Variants in PACSIN1 observed in about 807,000 individuals in gnomAD.
PACSIN1 encodes the protein protein kinase C and casein kinase substrate in neurons protein 1.
PACSIN1 carries 15 observed loss-of-function variants against 59.5 expected under a neutral mutation model. That is an observed-to-expected ratio of 0.25 (90% CI 0.17 to 0.39). The LOEUF (loss-of-function observed/expected upper bound fraction) is 0.39, where lower values mean the gene tolerates loss of function less well. Among genes scored for constraint, PACSIN1 ranks in the 10% least tolerant of loss-of-function variants. PACSIN1 has a pLI of 1.00. For synonymous variants in PACSIN1, 210 were observed against 220.6 expected, an observed-to-expected ratio of 0.95 and a Z score of 0.42; for missense variants, 420 against 580.2, an observed-to-expected ratio of 0.72 and a Z score of 2.84.
rs9394231 is a variant in PACSIN1 at position 34,504,290 on chromosome 6, A to T, written c.-63-21953A>T. On this transcript the variant is annotated intron_variant, in intron 1 of 9. Transcript: ENST00000244458. ...TGTGTGTATATATATATATATATAT[A>T]TTTTTTTTTTTTTTTTTTTAAACGG... 8.6e-3 allele frequency among the ~76,000 whole-genome samples: 811 copies of T among 94,020 alleles called. 14 individuals are homozygous for T. The highest frequency in any genetic ancestry group is 0.034 in the African/African-American group (765 of 22,444). The allele number at this position is 94,020 out of a possible 152,430, so 61.7% of individuals were successfully genotyped here. A position where few individuals can be genotyped will look rare whatever the true frequency, so the allele number is the denominator to read the frequency against.
At chr6:34,470,657 A>G (rs1426880550) in intron 1 of PACSIN1, among the ~76,000 whole-genome samples, 1 of 151,860 alleles carries the variant, frequency 6.6e-6, no homozygotes, top group Non-Finnish European at 1.5e-5. Context: ...GAGTGCTACC[A>G]TGCCTGGCTA....
At chr6:34,492,621 A>G (rs926616854) in intron 1 of PACSIN1, among the ~76,000 whole-genome samples, 1 of 152,180 alleles carries the variant, frequency 6.6e-6, no homozygotes, top group Non-Finnish European at 1.5e-5. Flanking sequence ...ACCTCAAGTG[A>G]TCCACCCACC....
Position 34,531,545 on chromosome 6 carries a change from C to T in PACSIN1, c.1038-55C>T. ...GCTCTGATTAGGAGGAGCGGTTAGC[C>T]CTCGGGATGCGGTACGGGGAGACAT... On this transcript the variant is annotated intron_variant, in intron 8 of 9. Transcript: ENST00000244458. The surrounding 1 kb of genome is among the most constrained non-coding windows in gnomAD (Gnocchi z 4.4). 1 of 1,567,902 alleles carries T rather than the reference C, an allele frequency of 6.4e-7. No homozygotes were observed.
At position 34,530,909 on chromosome 6, in the gene PACSIN1, G is replaced by A. The variant is rs150160148; in HGVS notation, c.1037+322G>A. ...CGCATGCGCAGTTCACAATAGGGGG[G>A]TTGCGCTCCTATGAGAATCTAACGC... On this transcript the variant is annotated intron_variant, in intron 8 of 9. Coordinates refer to ENST00000244458, the MANE Select transcript of PACSIN1 (RefSeq NM_020804.5). The surrounding 1 kb of genome is among the most constrained non-coding windows in gnomAD (Gnocchi z 4.4). Among the ~76,000 whole-genome samples the A allele has an allele frequency of 5.9e-4, 90 of 152,290 alleles. 2 individuals are homozygous for A. The East Asian group carries it at 0.013, about 22-fold the overall frequency.
Position 34,529,022 on chromosome 6 carries a change from GA to G in PACSIN1, c.456+151del. 1.5e-6 allele frequency: 1 copy of G among 675,088 alleles called. No individual in the cohort carries two copies. The highest frequency in any genetic ancestry group is 1.9e-5 in the South Asian group (1 of 53,200). The allele number at this position is 675,088 out of a possible 1,614,324, so 41.8% of individuals were successfully genotyped here. Reference sequence around the variant, plus strand: ...ACAGGGGAGCAGCACTGCCTTCCAGGAAAAAATATTCACAGATGGGTAGGCA... The same window carrying G: ...ACAGGGGAGCAGCACTGCCTTCCAGGAAAAATATTCACAGATGGGTAGGCA... On this transcript the variant is annotated intron_variant, in intron 4 of 9. Transcript: ENST00000244458. The surrounding 1 kb of genome is among the most constrained non-coding windows in gnomAD (Gnocchi z 6.3).
chr6:34,469,439 C>A (rs1369559929), intron 1 of PACSIN1, among the ~76,000 whole-genome samples: 1 of 151,774 alleles, frequency 6.6e-6, no homozygotes, highest in African/African-American at 2.4e-5. Flanking sequence ...GTCAGGGTCC[C>A]AGGAAGTAGC....
At chr6:34,511,917 C>T (rs1767209219) in intron 1 of PACSIN1, among the ~76,000 whole-genome samples, 1 of 151,998 alleles carries the variant, frequency 6.6e-6, no homozygotes, top group Non-Finnish European at 1.5e-5. Context: ...GTAGGCATCT[C>T]CTAGGGGCAT....
intron 1 of PACSIN1, chr6:34,485,015 G>A (rs1766771499): frequency 6.6e-6 from 1 of 152,086 alleles, no homozygotes. Flanking sequence ...GAAGCCGCAG[G>A]TGCTAGCCCC....
rs866785991 is a variant in PACSIN1 at position 34,523,026 on chromosome 6, G to A, written c.-63-3217G>A. On this transcript the variant is annotated intron_variant, in intron 1 of 9. Coordinates refer to ENST00000244458, the MANE Select transcript of PACSIN1 (RefSeq NM_020804.5). ...CCGAAACACCCTCACAGGCATACCCGGAAATAATGCTTCACCAGCTCTCCG... is the reference window on the plus strand; with the variant it reads ...CCGAAACACCCTCACAGGCATACCCAGAAATAATGCTTCACCAGCTCTCCG... Among the ~76,000 whole-genome samples, 8 of 152,146 alleles carry A rather than the reference G, an allele frequency of 5.3e-5. No homozygotes were observed. In the South Asian group the frequency reaches 1.0e-3, roughly 20 times the overall value.
At chr6:34,495,168 G>T (rs978331885) in intron 1 of PACSIN1, among the ~76,000 whole-genome samples, 1 of 152,122 alleles carries the variant, frequency 6.6e-6, no homozygotes, top group East Asian at 1.9e-4. Flanking sequence ...AGCTGAGTGC[G>T]CTTATTTATA....
chr6:34,492,193 AC>A (rs1766886964), intron 1 of PACSIN1, among the ~76,000 whole-genome samples: 1 of 86,016 alleles, frequency 1.2e-5, no homozygotes, highest in Non-Finnish European at 2.4e-5. Context: ...TTCTTTTTTG[AC>A]CTTTTTTTTT....
intron 1 of PACSIN1, among the ~76,000 whole-genome samples, chr6:34,485,547 G>A (rs1044644377): frequency 2.6e-5 from 4 of 152,204 alleles, no homozygotes; most frequent in East Asian, 1.9e-4. Flanking sequence ...AAAGGCCAGC[G>A]TTGGAGCAGG....
chr6:34,496,941 CTTTTTTTTTT>C (rs11464603), intron 1 of PACSIN1, among the ~76,000 whole-genome samples: 2 of 100,806 alleles, frequency 2.0e-5, no homozygotes, highest in Non-Finnish European at 1.8e-5. Context: ...CTCTCTCTCT[CTTTTTTTTTT>C]TTTTTTTTTT....
Position 34,479,837 on chromosome 6 carries a change from A to C in PACSIN1, c.-64+13567A>C, listed in dbSNP as rs183396915. Among the ~76,000 whole-genome samples, 3 of 150,974 alleles carry C rather than the reference A, an allele frequency of 2.0e-5. No individual in the cohort carries two copies. The East Asian group carries it at 5.9e-4, about 30-fold the overall frequency. ...TATTTTTAATTTTATTATTATTATT[A>C]CTTTTTGAGACAGAGTCTTGCTCTG... On this transcript the variant is annotated intron_variant, in intron 1 of 9. Coordinates refer to ENST00000244458, the MANE Select transcript of PACSIN1 (RefSeq NM_020804.5).
chr6:34,527,501 G>T lies in PACSIN1; in HGVS notation c.220+13G>T. 1 of 1,578,296 alleles carries T rather than the reference G, an allele frequency of 6.3e-7. No homozygotes were observed. Among genetic ancestry groups the T allele is most frequent in the Non-Finnish European group, 8.6e-7 (1 of 1,164,094 alleles). ...CTCATCGAGAAAGGTGCTCCCCCAG[G>T]CTCACATCGTGCGCGCCCCCAGGCC... On this transcript the variant is annotated intron_variant, in intron 3 of 9. Coordinates refer to ENST00000244458, the MANE Select transcript of PACSIN1 (RefSeq NM_020804.5).
chr6:34,494,538 G>T (rs1304238479), intron 1 of PACSIN1, among the ~76,000 whole-genome samples: 1 of 152,042 alleles, frequency 6.6e-6, no homozygotes, highest in Non-Finnish European at 1.5e-5. Context: ...AACATCTTGG[G>T]CTCCAGCAAT....
chr6:34,483,567 C>T (rs932625031), intron 1 of PACSIN1, among the ~76,000 whole-genome samples: 28 of 151,886 alleles, frequency 1.8e-4, no homozygotes, highest in African/African-American at 4.4e-4. Flanking sequence ...CAAACTCCAC[C>T]GCTCCCTTTA....
Position 34,514,794 on chromosome 6 carries a change from AGGTGGGTGGCTGGAGAAGGAGGCG to A in PACSIN1, c.-63-11445_-63-11422del, listed in dbSNP as rs1310179957. On this transcript the variant is annotated intron_variant, in intron 1 of 9. Transcript: ENST00000244458. This position sits in a 1 kb window ranked among gnomAD's most constrained non-coding sequence, Gnocchi z 4.4. ...AGTTGCCATAGAAACGAGCAGAAGG[AGGTGGGTGGCTGGAGAAGGAGGCG>A]GGTCGGGATCGGGGAGTGGGGAGGA... The A allele has an allele frequency of 1.3e-5, 2 of 152,472 alleles. No homozygotes were observed. The highest frequency in any genetic ancestry group is 2.9e-5 in the Non-Finnish European group (2 of 68,174). The allele number at this position is 152,472 out of a possible 1,614,324, so 9.4% of individuals were successfully genotyped here.
intron 1 of PACSIN1, among the ~76,000 whole-genome samples, chr6:34,497,505 A>G (rs776825850): frequency 3.3e-5 from 5 of 152,146 alleles, no homozygotes; most frequent in Non-Finnish European, 5.9e-5. Flanking sequence ...AGCTTCTCCA[A>G]CGAGGCTCCT....
Sources: allele counts gnomAD v4.1 joint callset (sites outside exome capture counted in the v4.1 genomes callset), GRCh38; gene constraint gnomAD v4.1.1; non-coding constraint Gnocchi (gnomAD v3.1); transcripts MANE v1.5; gene names NCBI Gene and HGNC (gene_info 2026-07-23, HGNC 2026-07-21).